MYRIP: variants seen among roughly 807,000 people sequenced by gnomAD.
MYRIP encodes myosin VIIA and Rab interacting protein.
MYRIP carries 49 observed loss-of-function variants against 98.0 expected under a neutral mutation model. The observed-to-expected ratio is 0.50, with a 90% CI of 0.40 to 0.63. The LOEUF is 0.63. MYRIP is among the 30% of genes least tolerant of loss of function. MYRIP has a pLI of 0.00. For missense variants in MYRIP, 1,004 were observed against 1,058.2 expected (o/e 0.95, Z 0.71); for synonymous variants, 404 against 409.5 (o/e 0.99, Z 0.16).
chr3:40,193,098 CT>C (rs1010545558), intron 10 of MYRIP, among the ~76,000 whole-genome samples: 5 of 151,898 alleles, frequency 3.3e-5, no homozygotes, highest in Non-Finnish European at 7.4e-5. Context: ...CAAGTGGGTA[CT>C]TTTTTTTCAC....
chr3:40,104,804 A>G (rs1354898166), intron 3 of MYRIP, among the ~76,000 whole-genome samples: 1 of 152,232 alleles, frequency 6.6e-6, no homozygotes, highest in African/African-American at 2.4e-5. Context: ...GAATGCGTAT[A>G]TTGTTCTTGA....
chr3:40,042,688 T>C (rs984485756), intron 2 of MYRIP, among the ~76,000 whole-genome samples: 2 of 152,170 alleles, frequency 1.3e-5, no homozygotes, highest in African/African-American at 4.8e-5. Flanking sequence ...ATAGTAGTAG[T>C]AAATAGTAGT....
At chr3:40,170,514 G>A (rs73827325) in intron 8 of MYRIP, among the ~76,000 whole-genome samples, 2,636 of 152,244 alleles carry the variant, frequency 0.017, 77 homozygotes, top group African/African-American at 0.06. Flanking sequence ...CCACCAAAAT[G>A]GTCACATCTG....
chr3:40,096,214 T>C (rs1472174749), intron 3 of MYRIP, among the ~76,000 whole-genome samples: 1 of 152,102 alleles, frequency 6.6e-6, no homozygotes, highest in Non-Finnish European at 1.5e-5. Flanking sequence ...AAGAGCAGTC[T>C]CACGCTCTCA....
chr3:39,936,018 T>C (rs1171018067), intron 2 of MYRIP, among the ~76,000 whole-genome samples: 1 of 152,370 alleles, frequency 6.6e-6, no homozygotes, highest in Admixed American at 6.5e-5. Flanking sequence ...TACATCTGTG[T>C]AATACTGTTA....
At chr3:40,200,517 G>T (rs1951526203) in intron 10 of MYRIP, among the ~76,000 whole-genome samples, 3 of 152,170 alleles carry the variant, frequency 2.0e-5, no homozygotes, top group South Asian at 4.2e-4. Context: ...GGATATTAAG[G>T]ATTATCCACT....
chr3:40,101,763 A>G (rs76558845), intron 3 of MYRIP, among the ~76,000 whole-genome samples: 14,270 of 152,072 alleles, frequency 0.094, 760 homozygotes, highest in East Asian at 0.22. Context: ...CTTATTAATC[A>G]TTTTTGAAGT....
intron 2 of MYRIP, among the ~76,000 whole-genome samples, chr3:39,942,060 T>G (rs1425261973): frequency 1.3e-5 from 2 of 152,180 alleles, no homozygotes; most frequent in Non-Finnish European, 2.9e-5. Context: ...GAGTTCTTTA[T>G]GGCAAGTGCT....
At position 40,160,615 on chromosome 3, in the gene MYRIP, A is replaced by G. The variant is rs577917709; in HGVS notation, c.470-2115A>G. Among the ~76,000 whole-genome samples the G allele has an allele frequency of 2.0e-3, 305 of 152,180 alleles. 1 individual carries two copies. The highest frequency in any genetic ancestry group is 6.8e-3 in the Middle Eastern group (2 of 294). On this transcript the variant is annotated intron_variant, in intron 4 of 16. Coordinates refer to ENST00000302541, the MANE Select transcript of MYRIP (RefSeq NM_015460.4). ...AGCCTCGCTGCCACCTTGCAGTTTGATCTCAGACTGCTGTGCTAGCAATCA... is the reference window on the plus strand; with the variant it reads ...AGCCTCGCTGCCACCTTGCAGTTTGGTCTCAGACTGCTGTGCTAGCAATCA...
chr3:39,919,724 G>C (rs1445429331), intron 2 of MYRIP, among the ~76,000 whole-genome samples: 5 of 147,478 alleles, frequency 3.4e-5, no homozygotes, highest in Non-Finnish European at 7.4e-5. Flanking sequence ...GTGTGTGTGT[G>C]TGTGAGAGAG....
At chr3:40,244,810 G>A (rs923307384) in intron 13 of MYRIP, among the ~76,000 whole-genome samples, 3 of 152,134 alleles carry the variant, frequency 2.0e-5, no homozygotes, top group South Asian at 2.1e-4. Flanking sequence ...TTAAAGTCTC[G>A]ATAATATATT....
chr3:40,204,024 T>C lies in MYRIP; in HGVS notation c.1666-5830T>C, dbSNP rs575025331. ...ATTATATATTATATATAATATATATTATATATATTATATATTATATATAAT... is the reference window on the plus strand; with the variant it reads ...ATTATATATTATATATAATATATATCATATATATTATATATTATATATAAT... On this transcript the variant is annotated intron_variant, in intron 10 of 16. Transcript: ENST00000302541. Among the ~76,000 whole-genome samples, 2 of 6,392 alleles carry C rather than the reference T, an allele frequency of 3.1e-4. 1 individual carries two copies. The highest frequency in any genetic ancestry group is 7.5e-4 in the African/African-American group (2 of 2,674). 4.2% of individuals were successfully genotyped at this position (6,392 alleles called of 152,430 possible).
intron 2 of MYRIP, among the ~76,000 whole-genome samples, chr3:39,969,900 A>G (rs747070265): frequency 3.3e-5 from 5 of 151,640 alleles, no homozygotes; most frequent in Non-Finnish European, 7.4e-5. Context: ...AATGGTACCA[A>G]CTCTTCTTTG....
At chr3:39,941,391 G>C (rs1036244391) in intron 2 of MYRIP, among the ~76,000 whole-genome samples, 1 of 151,886 alleles carries the variant, frequency 6.6e-6, no homozygotes, top group Non-Finnish European at 1.5e-5. Context: ...CTCCTACTGG[G>C]CCCCACCTCC....
intron 2 of MYRIP, among the ~76,000 whole-genome samples, chr3:39,932,353 A>T (rs1944559641): frequency 6.6e-6 from 1 of 151,268 alleles, no homozygotes; most frequent in South Asian, 2.1e-4. Flanking sequence ...TCAGTCCTGC[A>T]CCCACAAAAT....
At chr3:40,083,859 C>T (rs931257045) in intron 3 of MYRIP, among the ~76,000 whole-genome samples, 7 of 151,970 alleles carry the variant, frequency 4.6e-5, no homozygotes, top group Admixed American at 2.0e-4. Flanking sequence ...CATTCTCGGC[C>T]GGGCGCGGTG....
chr3:39,884,652 T>C (rs1429850249), intron 1 of MYRIP, among the ~76,000 whole-genome samples: 1 of 152,196 alleles, frequency 6.6e-6, no homozygotes, highest in Admixed American at 6.6e-5. Context: ...AATGAAAACA[T>C]ACCATACCTA....
At chr3:40,217,280 A>G (rs11129868) in intron 11 of MYRIP, among the ~76,000 whole-genome samples, 117,603 of 152,040 alleles carry the variant, frequency 0.77, 48,835 homozygotes, top group Non-Finnish European at 0.91. Flanking sequence ...ATCACACACC[A>G]CCAAAAATTT....
intron 1 of MYRIP, among the ~76,000 whole-genome samples, chr3:39,836,282 A>C (rs1436261188): frequency 2.0e-5 from 3 of 152,150 alleles, no homozygotes; most frequent in African/African-American, 7.2e-5. Flanking sequence ...AATGATTGAC[A>C]ATCTAACTGG....
Sources: allele counts gnomAD v4.1 joint callset (sites outside exome capture counted in the v4.1 genomes callset), GRCh38; gene constraint gnomAD v4.1.1; transcripts MANE v1.5; gene names NCBI Gene and HGNC (gene_info 2026-07-23, HGNC 2026-07-21).